The following TMEM45A variants were observed in gnomAD, a reference collection of about 807,000 sequenced individuals.
TMEM45A encodes DNA polymerase-transactivated protein 4.
Under a neutral mutation model 32.0 loss-of-function variants are expected in TMEM45A, and 25 were observed. That is an observed-to-expected ratio of 0.78 (90% CI 0.57 to 1.09). TMEM45A has a LOEUF of 1.09. Ranked by LOEUF, TMEM45A falls within the 50% of genes least tolerant of loss-of-function variation. The pLI is 0.00. For synonymous variants in TMEM45A, 122 were observed against 114.8 expected, an observed-to-expected ratio of 1.06 and a Z score of -0.40; for missense variants, 302 against 325.0, an observed-to-expected ratio of 0.93 and a Z score of 0.54.
intron 3 of TMEM45A, 143 bp from the exon 4 acceptor site, chr3:100,558,262 A>G (rs1706262026): frequency 1.1e-6 from 1 of 870,188 alleles, no homozygotes; most frequent in Admixed American, 2.7e-5. Flanking sequence ...CCAAAAATGC[A>G]GTACTGTGGG....
At chr3:100,500,592 G>A (rs1451289819) in intron 1 of TMEM45A, among the ~76,000 whole-genome samples, 4 of 152,240 alleles carry the variant, frequency 2.6e-5, no homozygotes, top group African/African-American at 9.6e-5. Flanking sequence ...TCTCACATTC[G>A]TCTGTCTCAG....
intron 5 of TMEM45A, chr3:100,572,614 A>G (rs1348679503): frequency 2.6e-5 from 4 of 151,722 alleles, no homozygotes; most frequent in Non-Finnish European, 5.9e-5. Flanking sequence ...ATTAGATCCC[A>G]TTTGTCAATT....
chr3:100,570,157 T>G (rs1706529574), intron 5 of TMEM45A, among the ~76,000 whole-genome samples: 1 of 152,232 alleles, frequency 6.6e-6, no homozygotes, highest in Non-Finnish European at 1.5e-5. Flanking sequence ...TTTTATTAAT[T>G]TAAATATCCA....
intron 1 of TMEM45A, among the ~76,000 whole-genome samples, chr3:100,514,004 A>G (rs1156871603): frequency 1.3e-5 from 2 of 152,232 alleles, no homozygotes; most frequent in African/African-American, 2.4e-5. Flanking sequence ...AGAACATTCC[A>G]TGTTCATGGG....
At chr3:100,547,345 C>T (rs549291870) in intron 1 of TMEM45A, among the ~76,000 whole-genome samples, 1 of 152,208 alleles carries the variant, frequency 6.6e-6, no homozygotes, top group South Asian at 2.1e-4. Context: ...TGGTCTCAAA[C>T]TCCTGACCTC....
At chr3:100,535,528 A>C (rs1191181094) in intron 1 of TMEM45A, among the ~76,000 whole-genome samples, 3 of 152,124 alleles carry the variant, frequency 2.0e-5, no homozygotes, top group Non-Finnish European at 4.4e-5. Flanking sequence ...GTTTTTCACA[A>C]ACTTCTCCCT....
chr3:100,517,514 T>G (rs1708283921), intron 1 of TMEM45A, among the ~76,000 whole-genome samples: 1 of 152,270 alleles, frequency 6.6e-6, no homozygotes, highest in Non-Finnish European at 1.5e-5. Flanking sequence ...GTGTAAGTTC[T>G]GTAAGTTCCT....
intron 1 of TMEM45A, among the ~76,000 whole-genome samples, chr3:100,507,195 C>T (rs2148932100): frequency 6.6e-6 from 1 of 152,348 alleles, no homozygotes; most frequent in East Asian, 1.9e-4. Context: ...TTCAACCTGA[C>T]ACTCTGTCAT....
At chr3:100,503,487 G>A (rs1006196535) in intron 1 of TMEM45A, among the ~76,000 whole-genome samples, 3 of 152,110 alleles carry the variant, frequency 2.0e-5, no homozygotes, top group Non-Finnish European at 2.9e-5. Flanking sequence ...CATCCACTTG[G>A]GGCAAGTTTG....
chr3:100,563,819 G>C (rs558303935), intron 4 of TMEM45A, among the ~76,000 whole-genome samples: 261 of 152,240 alleles, frequency 1.7e-3, no homozygotes, highest in Non-Finnish European at 3.1e-3. Context: ...TATAAAAGGG[G>C]TATTGCAAAA....
rs1239372112 is a variant in TMEM45A, at chr3:100,515,348, AATC to A, written c.-4+22426_-4+22428del. On this transcript the variant is annotated intron_variant, in intron 1 of 5. Coordinates refer to ENST00000323523, the MANE Select transcript of TMEM45A (RefSeq NM_018004.3). ...TTGTAGGGACATGGATGAAATTGGA[AATC>A]ATCATTCTCAGTAAACTATCACAAG... 2.6e-5 allele frequency among the ~76,000 whole-genome samples: 4 copies of A among 151,894 alleles called. No individual in the cohort carries two copies. In the South Asian group the frequency reaches 6.3e-4, roughly 24 times the overall value.
At chr3:100,543,646 G>A (rs901649517) in intron 1 of TMEM45A, among the ~76,000 whole-genome samples, 1 of 152,098 alleles carries the variant, frequency 6.6e-6, no homozygotes, top group Non-Finnish European at 1.5e-5. Context: ...GCCTTGTGTT[G>A]AATTGTCTAT....
chr3:100,575,625 C>T (rs1408687370), intron 5 of TMEM45A, among the ~76,000 whole-genome samples: 1 of 152,190 alleles, frequency 6.6e-6, no homozygotes, highest in African/African-American at 2.4e-5. Flanking sequence ...GCCCGCCTTG[C>T]CTCCCACAGT....
At chr3:100,493,731 G>A (rs1196742819) in intron 1 of TMEM45A, among the ~76,000 whole-genome samples, 1 of 151,932 alleles carries the variant, frequency 6.6e-6, no homozygotes, top group Non-Finnish European at 1.5e-5. Flanking sequence ...TGTTGTTGTA[G>A]TTTGTTTGTT....
rs940254162 is a variant in TMEM45A at position 100,572,473 on chromosome 3, T to A, written c.734+3506T>A. 4.0e-5 allele frequency: 6 copies of A among 150,880 alleles called. 1 individual carries two copies. Among genetic ancestry groups the A allele is most frequent in the East Asian group, 3.9e-4 (2 of 5,172 alleles). The allele number at this position is 150,880 out of a possible 1,614,324, so 9.3% of individuals were successfully genotyped here. ...TTTGTTTTTTTCTTGTAAATTTGTT[T>A]GAGTTCATTGTAGATTCTGGATACT... On this transcript the variant is annotated intron_variant, in intron 5 of 5. Transcript: ENST00000323523.
intron 1 of TMEM45A, among the ~76,000 whole-genome samples, chr3:100,554,012 C>T (rs1576286902): frequency 6.6e-6 from 1 of 152,190 alleles, no homozygotes; most frequent in East Asian, 1.9e-4. Flanking sequence ...AATAAATCTG[C>T]TGGGCCAGGG....
rs1311726551 is a variant in TMEM45A at position 100,565,067 on chromosome 3, C to G, written c.589-3755C>G. Among the ~76,000 whole-genome samples the G allele has an allele frequency of 2.6e-5, 4 of 152,102 alleles. No homozygotes were observed. The East Asian group carries it at 5.8e-4, about 22-fold the overall frequency. ...GAGAAAGAACATGGAGTTTTTGGAG[C>G]CAGAAACTACTGGTCTGGATCCCTA... On this transcript the variant is annotated intron_variant, in intron 4 of 5. Coordinates refer to ENST00000323523, the MANE Select transcript of TMEM45A (RefSeq NM_018004.3).
At chr3:100,493,176 A>G (rs1354063397) in intron 1 of TMEM45A, among the ~76,000 whole-genome samples, 1 of 144,568 alleles carries the variant, frequency 6.9e-6, no homozygotes, top group Non-Finnish European at 1.5e-5. Context: ...GGGAGCAGCA[A>G]TGTGACTGAT....
intron 1 of TMEM45A, among the ~76,000 whole-genome samples, chr3:100,535,861 T>C (rs982388801): frequency 1.3e-5 from 2 of 152,198 alleles, no homozygotes; most frequent in African/African-American, 2.4e-5. Context: ...TTGAAAAAAG[T>C]GAACATGATC....
Sources: allele counts gnomAD v4.1 joint callset (sites outside exome capture counted in the v4.1 genomes callset), GRCh38; gene constraint gnomAD v4.1.1; transcripts MANE v1.5; gene names NCBI Gene and HGNC (gene_info 2026-07-23, HGNC 2026-07-21).